The following TRIM4 variants were observed in gnomAD, a reference collection of about 807,000 sequenced individuals.
TRIM4 encodes E3 ubiquitin-protein ligase TRIM4.
Under a neutral mutation model 33.7 loss-of-function variants are expected in TRIM4, and 29 were observed. The ratio of observed to expected loss-of-function variants is 0.86; its 90% confidence interval spans 0.64 to 1.17. The LOEUF is 1.17. TRIM4 is among the 50% of genes most tolerant of loss of function. The pLI is 0.00. For missense variants in TRIM4, 554 were observed against 593.7 expected (o/e 0.93, Z 0.69); for synonymous variants, 224 against 233.0 (o/e 0.96, Z 0.35).
chr7:99,919,390 C>T lies in TRIM4; in HGVS notation c.12G>A (p.Glu4=). Residue 4 remains glutamate (E), a synonymous_variant, in exon 1 of 6, where the codon GAG becomes GAA. Coordinates refer to ENST00000349062, the MANE Select transcript of TRIM4 (RefSeq NM_033091.3). MEA[E]DIQEELTCPI... ...GGCAGGTCAACTCCTCCTGGATGTC[C>T]TCAGCTTCCATGCTGCTTCCCTGCC... 1.3e-6 allele frequency: 2 copies of T among 1,564,970 alleles called. No homozygotes were observed. The highest frequency in any genetic ancestry group is 1.7e-6 in the Non-Finnish European group (2 of 1,157,700).
At chr7:99,916,158 C>T (rs1343737047) in intron 1 of TRIM4, among the ~76,000 whole-genome samples, 1 of 152,180 alleles carries the variant, frequency 6.6e-6, no homozygotes, top group Non-Finnish European at 1.5e-5. Flanking sequence ...CTATGTTCCC[C>T]TTTCATACCC....
rs770677061 is a variant in TRIM4 at position 99,919,074 on chromosome 7, T to C, written c.328A>G (p.Arg110Gly). ...DDQRPVCLVCRESQEHQTHAM... is the reference protein window; with the variant it reads ...DDQRPVCLVCGESQEHQTHAM... Reference sequence around the variant, plus strand: ...TGAGTCTGGTGCTCCTGGGACTCCCTGCACACCAGGCACACTGGCCGCTGG... The same window carrying C: ...TGAGTCTGGTGCTCCTGGGACTCCCCGCACACCAGGCACACTGGCCGCTGG... The change falls in exon 1 of 6, where the codon AGG becomes GGG. Residue 110 changes from arginine to glycine, a missense_variant. This residue lies in a region of TRIM4 where 233 missense variants were observed against 203.1 expected (regional missense o/e 1.15). Transcript: ENST00000349062. 2 of 1,566,362 alleles carry C rather than the reference T, an allele frequency of 1.3e-6. No homozygotes were observed. Among genetic ancestry groups the C allele is most frequent in the Non-Finnish European group, 1.7e-6 (2 of 1,158,138 alleles).
At chr7:99,902,268 A>G (rs1819193041) in intron 5 of TRIM4, 2 of 699,900 alleles carry the variant, frequency 2.9e-6, no homozygotes, top group Admixed American at 4.0e-5. Context: ...GTTTTTTGAG[A>G]CAGAGTCTCA....
chr7:99,919,414 C>G lies in TRIM4; in HGVS notation c.-13G>C. On this transcript the variant is annotated 5_prime_UTR_variant, in exon 1 of 6. Transcript: ENST00000349062. The stretch of plus-strand genomic sequence containing the variant: ...CCTCAGCTTCCATGCTGCTTCCCTG[C>G]CGCGGAGACGGAGTCCGACGTGAGG... 1 of 1,523,208 alleles carries G rather than the reference C, an allele frequency of 6.6e-7. No homozygotes were observed. The allele number at this position is 1,523,208 out of a possible 1,614,324, so 94.4% of individuals were successfully genotyped here. A position where few individuals can be genotyped will look rare whatever the true frequency, so the allele number is the denominator to read the frequency against.
Position 99,919,024 on chromosome 7 carries a change from G to A in TRIM4, c.378C>T (p.Ala126=). Reference sequence around the variant, plus strand: ...GCCAGCTCACCCGGTAGCTCTCGAAGGCCTCGTCGATGGGTGCCATGGCGT... The same window carrying A: ...GCCAGCTCACCCGGTAGCTCTCGAAAGCCTCGTCGATGGGTGCCATGGCGT... The part of the protein sequence containing the change: ...QTHAMAPIDE[A]FESYREKLLK... Residue 126 remains alanine (A), a synonymous_variant, in exon 1 of 6, where the codon GCC becomes GCT. Transcript: ENST00000349062. 6.3e-7 allele frequency: 1 copy of A among 1,590,776 alleles called. No individual in the cohort carries two copies. Among genetic ancestry groups the A allele is most frequent in the Non-Finnish European group, 8.5e-7 (1 of 1,170,664 alleles).
chr7:99,895,478 T>C (rs375776910), intron 5 of TRIM4, among the ~76,000 whole-genome samples: 2 of 152,230 alleles, frequency 1.3e-5, no homozygotes, highest in South Asian at 2.1e-4. Flanking sequence ...TTAGTCTATC[T>C]TGGAAAATGT....
chr7:99,919,500 C>A lies in TRIM4; in HGVS notation c.-99G>T, dbSNP rs1443393807. 6.2e-6 allele frequency: 8 copies of A among 1,291,254 alleles called. No homozygotes were observed. The highest frequency in any genetic ancestry group is 8.2e-6 in the Non-Finnish European group (8 of 976,950). The allele number at this position is 1,291,254 out of a possible 1,614,324, so 80.0% of individuals were successfully genotyped here. On this transcript the variant is annotated 5_prime_UTR_variant, in exon 1 of 6. Transcript: ENST00000349062. Reference sequence around the variant, plus strand: ...GGAGGCCAGACGACTTCCGAACCGCCGTCACCGCCTCACGTAAAAGGGTAC... The same window carrying A: ...GGAGGCCAGACGACTTCCGAACCGCAGTCACCGCCTCACGTAAAAGGGTAC...
intron 2 of TRIM4, among the ~76,000 whole-genome samples, chr7:99,909,145 T>TGG (rs937857330): frequency 2.0e-5 from 3 of 151,578 alleles, no homozygotes; most frequent in African/African-American, 7.3e-5. Flanking sequence ...TGTGTGTGTG[T>TGG]GTGTGTGTGT....
intron 5 of TRIM4, among the ~76,000 whole-genome samples, chr7:99,899,670 G>A (rs1819109771): frequency 6.6e-6 from 1 of 152,118 alleles, no homozygotes; most frequent in Non-Finnish European, 1.5e-5. Context: ...ACCATATTTT[G>A]TCTGTTGAAA....
chr7:99,892,437 A>G lies in TRIM4; in HGVS notation c.1151T>C (p.Met384Thr), dbSNP rs1467089344. 3.1e-6 allele frequency: 5 copies of G among 1,614,126 alleles called. No homozygotes were observed. Among genetic ancestry groups the G allele is most frequent in the South Asian group, 2.2e-5 (2 of 91,084 alleles). The change falls in exon 6 of 6, where the codon ATG becomes ACG. Residue 384 changes from methionine (M) to threonine (T), a missense_variant. Around this residue, in one of 3 missense-constraint regions of TRIM4, gnomAD observed 290 missense variants for 335.8 expected, o/e 0.86. Transcript: ENST00000349062. ...DVMGITDRSK[M>T]SPDVGIWAIY... ...CGCCCAGATGCCCACATCTGGGGAC[A>G]TTTTTGAACGATCAGTAATTCCCAT...
intron 5 of TRIM4, among the ~76,000 whole-genome samples, chr7:99,896,822 A>G (rs546473407): frequency 6.6e-6 from 1 of 152,344 alleles, no homozygotes; most frequent in East Asian, 1.9e-4. Context: ...GTTCTGGAAG[A>G]ACTGCTGCAG....
rs569384712 is a variant in TRIM4 at position 99,917,518 on chromosome 7, G to A, written c.393+1491C>T. Among the ~76,000 whole-genome samples, 45 of 152,246 alleles carry A rather than the reference G, an allele frequency of 3.0e-4. No individual in the cohort carries two copies. In the South Asian group the frequency reaches 7.5e-3, roughly 25 times the overall value. ...GTGGATCACCTGAGGTCAGGAGTTC[G>A]AGACCAGCCTGACCAACATAGTGAA... On this transcript the variant is annotated intron_variant, in intron 1 of 5. Coordinates refer to ENST00000349062, the MANE Select transcript of TRIM4 (RefSeq NM_033091.3).
At chr7:99,916,628 C>A in intron 1 of TRIM4, 1 of 747,276 alleles carries the variant, frequency 1.3e-6, no homozygotes, top group South Asian at 1.4e-5. Context: ...CCAAGTCATT[C>A]AACTCCAGCT....
intron 5 of TRIM4, among the ~76,000 whole-genome samples, chr7:99,895,305 CTTT>C (rs1818991971): frequency 6.6e-6 from 1 of 152,012 alleles, no homozygotes; most frequent in Admixed American, 6.5e-5. Flanking sequence ...TTGATTTCTT[CTTT>C]AATTCAAGGG....
chr7:99,917,829 G>A, intron 1 of TRIM4: 2 of 985,360 alleles, frequency 2.0e-6, no homozygotes, highest in South Asian at 4.7e-5. Flanking sequence ...GGGAGGGGGT[G>A]GGGCTACTCT....
intron 3 of TRIM4, among the ~76,000 whole-genome samples, chr7:99,907,313 T>C (rs956643527): frequency 6.6e-6 from 1 of 152,206 alleles, no homozygotes; most frequent in East Asian, 1.9e-4. Context: ...TTTCACCATG[T>C]TGGCCAGTCT....
At chr7:99,902,762 G>C (rs1819204225) in intron 5 of TRIM4, among the ~76,000 whole-genome samples, 1 of 150,646 alleles carries the variant, frequency 6.6e-6, no homozygotes, top group African/African-American at 2.4e-5. Flanking sequence ...CCACACCTTA[G>C]CTCATGCTGC....
intron 5 of TRIM4, chr7:99,902,051 G>A (rs1819185678): frequency 4.0e-6 from 3 of 757,482 alleles, no homozygotes; most frequent in Admixed American, 3.4e-5. Context: ...GGCAATCATA[G>A]GCTGACCTCA....
At chr7:99,898,930 T>G (rs1275977930) in intron 5 of TRIM4, among the ~76,000 whole-genome samples, 1 of 152,258 alleles carries the variant, frequency 6.6e-6, no homozygotes, top group Non-Finnish European at 1.5e-5. Context: ...ATTGCTACTA[T>G]GCTTGTCATT....
Sources: allele counts gnomAD v4.1 joint callset (sites outside exome capture counted in the v4.1 genomes callset), GRCh38; gene constraint gnomAD v4.1.1; regional missense constraint gnomAD v4.1.1; transcripts MANE v1.5; gene names NCBI Gene and HGNC (gene_info 2026-07-23, HGNC 2026-07-21).